ATP10D: variants seen among roughly 807,000 people sequenced by gnomAD.
ATP10D encodes ATPase phospholipid transporting 10D (putative), also known as phospholipid-transporting ATPase VD.
Under a neutral mutation model 144.8 loss-of-function variants are expected in ATP10D, and 89 were observed. The ratio of observed to expected loss-of-function variants is 0.61; its 90% confidence interval spans 0.52 to 0.73. The LOEUF is 0.73. ATP10D is among the 30% of genes least tolerant of loss of function. ATP10D has a pLI of 0.00. For synonymous variants in ATP10D, 571 were observed against 615.1 expected (o/e 0.93, Z 1.06); for missense variants, 1,603 against 1,714.8 (o/e 0.93, Z 1.15).
In ATP10D at chr4:47,536,517, C is replaced by G; in HGVS notation, c.1096C>G (p.Leu366Val). 1 of 1,613,626 alleles carries G rather than the reference C, an allele frequency of 6.2e-7. No individual in the cohort carries two copies. Among genetic ancestry groups the G allele is most frequent in the Non-Finnish European group, 8.5e-7 (1 of 1,179,670 alleles). Residue 366 changes from leucine to valine, a missense_variant, in exon 8 of 23, where the codon CTG becomes GTG. By Grantham distance (32) the Leu-to-Val change is conservative. Transcript: ENST00000273859. ...PEPDGHIISP[L>V]LAGFYMFWTM... ...GCCTGATGGACATATCATATCACCA[C>G]TGTTGGCAGGATTTTATATGTTTTG...
intron 1 of ATP10D, among the ~76,000 whole-genome samples, chr4:47,494,631 A>G (rs990443906): frequency 6.6e-6 from 1 of 151,814 alleles, no homozygotes; most frequent in East Asian, 1.9e-4. Context: ...TGAAGATATT[A>G]GAAATAATCA....
rs1717202665 is a variant in ATP10D, at chr4:47,525,646, A to C, written c.776+4A>C. 1 of 1,600,142 alleles carries C rather than the reference A, an allele frequency of 6.2e-7. No individual in the cohort carries two copies. The highest frequency in any genetic ancestry group is 1.3e-5 in the African/African-American group (1 of 74,640). Reference sequence around the variant, plus strand: ...TCAGCAGATTCCGAGGCTTCCTGTGAGTAATACATGATGAACATTTGTGGG... The same window carrying C: ...TCAGCAGATTCCGAGGCTTCCTGTGCGTAATACATGATGAACATTTGTGGG... On this transcript the variant is annotated splice_donor_region_variant and intron_variant, in intron 5 of 22. Coordinates refer to ENST00000273859, the MANE Select transcript of ATP10D (RefSeq NM_020453.4).
intron 10 of ATP10D, among the ~76,000 whole-genome samples, chr4:47,552,226 C>G (rs1415089342): frequency 6.6e-6 from 1 of 152,198 alleles, no homozygotes; most frequent in Admixed American, 6.5e-5. Context: ...GTGGCCACAG[C>G]ACAGCCTTTC....
intron 11 of ATP10D, among the ~76,000 whole-genome samples, chr4:47,555,934 A>C (rs747187913): frequency 2.3e-4 from 35 of 152,026 alleles, no homozygotes; most frequent in Non-Finnish European, 4.9e-4. Flanking sequence ...TTGTAGTTTT[A>C]GTAGAGACAG....
intron 1 of ATP10D, among the ~76,000 whole-genome samples, chr4:47,500,661 T>C (rs1407533134): frequency 2.6e-5 from 4 of 152,172 alleles, no homozygotes; most frequent in Admixed American, 1.3e-4. Context: ...GGGAGAGTGC[T>C]TGGACCTCCA....
intron 1 of ATP10D, among the ~76,000 whole-genome samples, chr4:47,490,325 C>G (rs1012094348): frequency 3.3e-5 from 5 of 152,094 alleles, no homozygotes; most frequent in African/African-American, 1.2e-4. Context: ...TTCTGCCTTG[C>G]CAAGGTCGAA....
intron 9 of ATP10D, among the ~76,000 whole-genome samples, chr4:47,539,487 A>T (rs902231064): frequency 6.0e-5 from 9 of 150,576 alleles, no homozygotes; most frequent in African/African-American, 2.2e-4. Flanking sequence ...TCTTTTTTTT[A>T]ACACATATGT....
intron 1 of ATP10D, among the ~76,000 whole-genome samples, chr4:47,504,807 A>T (rs528789310): frequency 6.6e-6 from 1 of 152,218 alleles, no homozygotes; most frequent in Non-Finnish European, 1.5e-5. Flanking sequence ...GGAGACTTTC[A>T]TATCATAAGT....
intron 21 of ATP10D, 86 bp downstream of exon 21, chr4:47,582,150 G>C (rs1577708640): frequency 9.2e-7 from 1 of 1,081,736 alleles, no homozygotes; most frequent in East Asian, 2.4e-5. Context: ...CTGAAGATAA[G>C]TGGTAATGAG....
Position 47,557,785 on chromosome 4 carries a change from C to T in ATP10D, c.1946C>T (p.Ser649Phe). The change falls in exon 12 of 23, where the codon TCT becomes TTT. Residue 649 changes from serine to phenylalanine, a missense_variant. Physicochemically the swap from Ser to Phe is radical, Grantham distance 155. Transcript: ENST00000273859. Reference protein sequence around the residue: ...SPSLNSGKEPSSGVPNAFVSR... With the variant: ...SPSLNSGKEPFSGVPNAFVSR... ...TCGCTTAACAGTGGGAAAGAGCCAT[C>T]TTCTGGAGTTCCAAACGCCTTTGTG... The T allele has an allele frequency of 1.2e-6, 2 of 1,614,222 alleles. No homozygotes were observed. The highest frequency in any genetic ancestry group is 1.7e-6 in the Non-Finnish European group (2 of 1,180,046).
intron 9 of ATP10D, among the ~76,000 whole-genome samples, chr4:47,541,715 C>A (rs1015915100): frequency 2.0e-5 from 3 of 152,150 alleles, no homozygotes; most frequent in Admixed American, 2.0e-4. Flanking sequence ...GTATGATAAA[C>A]TTTTTGTTCT....
At chr4:47,520,683 C>T (rs977279606) in intron 3 of ATP10D, among the ~76,000 whole-genome samples, 1 of 152,086 alleles carries the variant, frequency 6.6e-6, no homozygotes, top group Admixed American at 6.6e-5. Context: ...ATTCCCCTGC[C>T]TCAGCCTCCC....
intron 3 of ATP10D, among the ~76,000 whole-genome samples, chr4:47,517,567 G>C (rs1221702204): frequency 1.3e-5 from 2 of 152,172 alleles, no homozygotes; most frequent in African/African-American, 4.8e-5. Context: ...TAAACACCCA[G>C]TTTCCTGTAT....
intron 2 of ATP10D, among the ~76,000 whole-genome samples, chr4:47,514,410 A>G (rs1290776417): frequency 6.6e-6 from 1 of 152,236 alleles, no homozygotes; most frequent in Non-Finnish European, 1.5e-5. Context: ...GCCACAGAGT[A>G]GCAGAAAGGG....
chr4:47,562,292 G>T (rs531246936), intron 14 of ATP10D, among the ~76,000 whole-genome samples: 60 of 152,212 alleles, frequency 3.9e-4, no homozygotes, highest in Non-Finnish European at 7.8e-4. Flanking sequence ...TTTCAGAAAA[G>T]GGAACTGTAG....
chr4:47,522,328 C>T (rs1364415026), intron 3 of ATP10D, among the ~76,000 whole-genome samples: 1 of 152,166 alleles, frequency 6.6e-6, no homozygotes, highest in East Asian at 1.9e-4. Context: ...GTGTCTTATG[C>T]ATCTTCAGAT....
At chr4:47,523,277 T>A in intron 4 of ATP10D, 61 bp downstream of exon 4, 1 of 1,311,812 alleles carries the variant, frequency 7.6e-7, no homozygotes, top group Non-Finnish European at 1.1e-6. Flanking sequence ...ATGACTGAGC[T>A]CATTTTCACA....
chr4:47,516,589 T>A (rs1449362901), intron 3 of ATP10D, among the ~76,000 whole-genome samples: 1 of 152,226 alleles, frequency 6.6e-6, no homozygotes, highest in Non-Finnish European at 1.5e-5. Flanking sequence ...TCTGAAGAAG[T>A]GATATTTAAT....
intron 22 of ATP10D, 121 bp downstream of exon 22, chr4:47,587,327 T>G (rs1560460673): frequency 1.1e-6 from 1 of 880,380 alleles, no homozygotes; most frequent in South Asian, 1.8e-5. Context: ...AAAGTCAATT[T>G]GTGTCCTAGT....
Sources: gnomAD v4.1 joint callset for allele counts (sites outside exome capture counted in the v4.1 genomes callset) on GRCh38, gnomAD v4.1.1 for gene constraint, MANE v1.5 for transcripts, NCBI Gene and HGNC (gene_info 2026-07-23, HGNC 2026-07-21) for gene names.